Variants in DTNBP1 observed in about 807,000 individuals in gnomAD.
The protein encoded by DTNBP1 is dysbindin.
A neutral mutation model predicts 42.8 loss-of-function variants in DTNBP1; 35 were observed. The observed-to-expected ratio is 0.82, with a 90% confidence interval of 0.63 to 1.09. The LOEUF is 1.09. Among genes scored for constraint, DTNBP1 ranks in the 50% least tolerant of loss-of-function variants. DTNBP1 has a pLI of 0.00. For synonymous variants in DTNBP1, 171 were observed against 162.2 expected (o/e 1.05, Z -0.41); for missense variants, 457 against 424.2 (o/e 1.08, Z -0.68).
At chr6:15,547,585 A>G (rs936478527) in intron 7 of DTNBP1, among the ~76,000 whole-genome samples, 7 of 152,256 alleles carry the variant, frequency 4.6e-5, no homozygotes, top group Admixed American at 4.6e-4. Flanking sequence ...GAAATTATCC[A>G]GAACGGAAGA....
At chr6:15,537,168 C>T (rs940800830) in intron 7 of DTNBP1, among the ~76,000 whole-genome samples, 1 of 152,288 alleles carries the variant, frequency 6.6e-6, no homozygotes, top group African/African-American at 2.4e-5. Flanking sequence ...CGCCTGTAAT[C>T]CCAACACTTT....
At chr6:15,647,103 T>A (rs1363001638) in intron 3 of DTNBP1, among the ~76,000 whole-genome samples, 1 of 151,894 alleles carries the variant, frequency 6.6e-6, no homozygotes, top group Admixed American at 6.6e-5. Flanking sequence ...AAACTATGCA[T>A]CCATCAAAAG....
chr6:15,529,599 C>A (rs922253921), intron 8 of DTNBP1, among the ~76,000 whole-genome samples: 1 of 152,342 alleles, frequency 6.6e-6, no homozygotes, highest in East Asian at 1.9e-4. Context: ...AGCAGGGACA[C>A]CCCTGGCTCC....
chr6:15,524,349 C>A, intron 9 of DTNBP1, 177 bp downstream of exon 9: 4 of 1,613,060 alleles, frequency 2.5e-6, no homozygotes, highest in Non-Finnish European at 3.4e-6. Context: ...CGGAACCACA[C>A]CACTGTTGCA....
chr6:15,624,136 G>A (rs980290258), intron 5 of DTNBP1, among the ~76,000 whole-genome samples: 3 of 152,190 alleles, frequency 2.0e-5, no homozygotes, highest in African/African-American at 7.2e-5. Flanking sequence ...GTGCTAAGTG[G>A]TTACGTTTGT....
intron 9 of DTNBP1, chr6:15,523,463 A>T (rs1456137001): frequency 3.1e-6 from 4 of 1,293,844 alleles, no homozygotes; most frequent in South Asian, 1.5e-5. Context: ...GACACAGATC[A>T]AGTGCTCCTA....
In DTNBP1 at chr6:15,532,932, C is replaced by T. The variant is rs183340973; in HGVS notation, c.667+308G>A. ...CAGGTTGGTCTCAAACTCCTGACCT[C>T]GGGTGATCTGCCTGCCTTGGCCTGC... On this transcript the variant is annotated intron_variant, in intron 8 of 9. Coordinates refer to ENST00000344537, the MANE Select transcript of DTNBP1 (RefSeq NM_032122.5). 5.0e-3 allele frequency among the ~76,000 whole-genome samples: 753 copies of T among 151,988 alleles called. 6 individuals are homozygous for T. The highest frequency in any genetic ancestry group is 0.017 in the African/African-American group (691 of 41,452).
intron 7 of DTNBP1, among the ~76,000 whole-genome samples, chr6:15,554,742 G>A (rs2113438918): frequency 6.6e-6 from 1 of 151,318 alleles, no homozygotes; most frequent in South Asian, 2.1e-4. Context: ...TCCTTCATGG[G>A]ACTGATGTAC....
At chr6:15,540,860 T>G (rs924757730) in intron 7 of DTNBP1, among the ~76,000 whole-genome samples, 4 of 152,200 alleles carry the variant, frequency 2.6e-5, no homozygotes, top group Non-Finnish European at 5.9e-5. Context: ...GACAAGATGG[T>G]CTCGATCTCC....
At chr6:15,583,850 T>C (rs897486598) in intron 7 of DTNBP1, among the ~76,000 whole-genome samples, 3 of 152,148 alleles carry the variant, frequency 2.0e-5, no homozygotes, top group Non-Finnish European at 4.4e-5. Flanking sequence ...AAAGTAACAT[T>C]TAAGCATCAC....
At chr6:15,607,584 G>C (rs1166675059) in intron 6 of DTNBP1, among the ~76,000 whole-genome samples, 3 of 152,178 alleles carry the variant, frequency 2.0e-5, no homozygotes, top group Admixed American at 6.5e-5. Flanking sequence ...TTATAGGTGT[G>C]AGCCACCGTG....
rs1041780101 is a variant in DTNBP1, at chr6:15,568,238, T to A, written c.511+24821A>T. ...TCTGAACAAACAGGTCTTCCTAAGT[T>A]CCCCCAACTCCCATTTATTACTGAG... On this transcript the variant is annotated intron_variant, in intron 7 of 9. Transcript: ENST00000344537. Among the ~76,000 whole-genome samples the A allele has an allele frequency of 5.9e-5, 9 of 152,276 alleles. No individual in the cohort carries two copies. The South Asian group carries it at 1.5e-3, about 25-fold the overall frequency.
chr6:15,650,215 T>C (rs150723317), intron 3 of DTNBP1, among the ~76,000 whole-genome samples: 11 of 152,342 alleles, frequency 7.2e-5, no homozygotes, highest in South Asian at 2.1e-4. Flanking sequence ...ATCTGTCAAA[T>C]GGCACATTAG....
chr6:15,542,182 T>A (rs1005438090), intron 7 of DTNBP1, among the ~76,000 whole-genome samples: 2 of 152,202 alleles, frequency 1.3e-5, no homozygotes, highest in African/African-American at 4.8e-5. Flanking sequence ...ACATGTGACA[T>A]GATCAAGAGA....
intron 7 of DTNBP1, among the ~76,000 whole-genome samples, chr6:15,583,998 T>C (rs575715362): frequency 1.3e-5 from 2 of 152,250 alleles, no homozygotes; most frequent in East Asian, 1.9e-4. Context: ...GACATGGTAT[T>C]AGAATAAACA....
intron 3 of DTNBP1, among the ~76,000 whole-genome samples, chr6:15,646,234 A>C (rs1760670193): frequency 6.7e-6 from 1 of 150,110 alleles, no homozygotes; most frequent in African/African-American, 2.5e-5. Context: ...GAACCAAATC[A>C]AGAACTCAAT....
chr6:15,592,961 C>A, intron 7 of DTNBP1, 98 bp downstream of exon 7: 1 of 1,241,716 alleles, frequency 8.1e-7, no homozygotes, highest in Non-Finnish European at 1.1e-6. Context: ...TTTATGTAAA[C>A]TGATTTTAAA....
chr6:15,632,003 T>G (rs1413357752), intron 4 of DTNBP1, among the ~76,000 whole-genome samples: 5 of 152,174 alleles, frequency 3.3e-5, no homozygotes, highest in Admixed American at 2.6e-4. Flanking sequence ...GAGTGAAAAT[T>G]TGGGGTTTCA....
At chr6:15,585,294 G>A (rs1043423287) in intron 7 of DTNBP1, among the ~76,000 whole-genome samples, 3 of 151,064 alleles carry the variant, frequency 2.0e-5, no homozygotes, top group Admixed American at 6.6e-5. Flanking sequence ...AAGGGATGCC[G>A]AATTAGTTTT....
Sources: gnomAD v4.1 joint callset for allele counts (sites outside exome capture counted in the v4.1 genomes callset) on GRCh38, gnomAD v4.1.1 for gene constraint, MANE v1.5 for transcripts, NCBI Gene and HGNC (gene_info 2026-07-23, HGNC 2026-07-21) for gene names.